SLX4IP: variants seen among roughly 807,000 people sequenced by gnomAD.
SLX4IP encodes SLX4 interacting protein.
SLX4IP carries 34 observed loss-of-function variants against 32.9 expected under a neutral mutation model. The ratio of observed to expected loss-of-function variants is 1.03; its 90% CI spans 0.79 to 1.38. SLX4IP has a LOEUF of 1.38. SLX4IP is among the 40% of genes most tolerant of loss of function. The pLI, the probability that SLX4IP is intolerant of heterozygous loss-of-function variation, is 0.00. For missense variants in SLX4IP, 444 were observed against 479.0 expected, an observed-to-expected ratio of 0.93 and a Z score of 0.68; for synonymous variants, 172 against 171.7, an observed-to-expected ratio of 1.00 and a Z score of -0.01.
chr20:10,510,804 C>T (rs141338433), intron 2 of SLX4IP, among the ~76,000 whole-genome samples: 386 of 152,190 alleles, frequency 2.5e-3, no homozygotes, highest in Non-Finnish European at 4.1e-3. Flanking sequence ...CAGGGTTTCA[C>T]CATGTTCGCC....
rs1202698164 is a variant in SLX4IP at position 10,624,122 on chromosome 20, G to T, written c.*743G>T. 6.6e-6 allele frequency: 1 copy of T among 152,188 alleles called. No individual in the cohort carries two copies. The highest frequency in any genetic ancestry group is 6.5e-5 in the Admixed American group (1 of 15,280). The allele number at this position is 152,188 out of a possible 1,614,324, so 9.4% of individuals were successfully genotyped here. A position where few individuals can be genotyped will look rare whatever the true frequency, so the allele number is the denominator to read the frequency against. On this transcript the variant is annotated 3_prime_UTR_variant, in exon 8 of 8. Transcript: ENST00000334534. ...TGGTGTATGGGTCACTCTCTTCCGG[G>T]TTCTACAGTATGGCAGCCATGGCAC...
At chr20:10,500,807 G>A (rs1419436653) in intron 2 of SLX4IP, among the ~76,000 whole-genome samples, 1 of 152,124 alleles carries the variant, frequency 6.6e-6, no homozygotes, top group East Asian at 1.9e-4. Context: ...GTCTACCATT[G>A]CATGCTTTGC....
intron 1 of SLX4IP, among the ~76,000 whole-genome samples, chr20:10,445,376 C>T (rs562826631): frequency 2.4e-4 from 33 of 138,264 alleles, no homozygotes; most frequent in Admixed American, 8.0e-4. Context: ...AGTGCAATGG[C>T]GCGATCTTGG....
intron 4 of SLX4IP, among the ~76,000 whole-genome samples, chr20:10,589,665 A>G (rs2066683807): frequency 6.6e-6 from 1 of 152,212 alleles, no homozygotes; most frequent in African/African-American, 2.4e-5. Context: ...GGATTTCTAA[A>G]TGGTATCATA....
chr20:10,529,321 G>GCTCA (rs1224618314), intron 2 of SLX4IP, among the ~76,000 whole-genome samples: 2 of 152,020 alleles, frequency 1.3e-5, no homozygotes, highest in Non-Finnish European at 2.9e-5. Flanking sequence ...AGGCGCGGTG[G>GCTCA]CTCACCCCTG....
intron 3 of SLX4IP, among the ~76,000 whole-genome samples, chr20:10,557,398 G>A (rs909646018): frequency 1.3e-5 from 2 of 152,192 alleles, no homozygotes; most frequent in African/African-American, 4.8e-5. Context: ...GAAGGCACAA[G>A]GTTCTGTATG....
chr20:10,564,259 G>A (rs971647947), intron 4 of SLX4IP, among the ~76,000 whole-genome samples: 1 of 152,154 alleles, frequency 6.6e-6, no homozygotes, highest in African/African-American at 2.4e-5. Flanking sequence ...GTTTTCAGCT[G>A]ATCCTATAGT....
intron 2 of SLX4IP, among the ~76,000 whole-genome samples, chr20:10,516,903 G>T (rs1294379144): frequency 6.6e-6 from 1 of 152,110 alleles, no homozygotes; most frequent in Admixed American, 6.5e-5. Flanking sequence ...TCCAAATATG[G>T]TATTGCTTCT....
At chr20:10,617,806 G>A (rs116292707) in intron 6 of SLX4IP, among the ~76,000 whole-genome samples, 1,925 of 151,792 alleles carry the variant, frequency 0.013, 42 homozygotes, top group African/African-American at 0.043. Context: ...ACACCACCAC[G>A]CCTGGCTAAT....
intron 2 of SLX4IP, among the ~76,000 whole-genome samples, chr20:10,539,910 C>CTCT (rs746933686): frequency 6.6e-6 from 1 of 152,168 alleles, no homozygotes; most frequent in Non-Finnish European, 1.5e-5. Context: ...TTGCAAACCA[C>CTCT]TCTTCTAGGC....
intron 6 of SLX4IP, chr20:10,613,276 A>T: frequency 1.5e-6 from 1 of 646,472 alleles, no homozygotes; most frequent in East Asian, 2.6e-5. Flanking sequence ...TACTAAGATC[A>T]GGTTGAGAGA....
intron 4 of SLX4IP, among the ~76,000 whole-genome samples, chr20:10,562,704 A>G (rs1355034420): frequency 6.6e-6 from 1 of 152,168 alleles, no homozygotes. Flanking sequence ...CCCCTCTCCC[A>G]TATCACCATG....
chr20:10,609,092 G>A (rs2066937589), intron 6 of SLX4IP, among the ~76,000 whole-genome samples: 1 of 111,402 alleles, frequency 9.0e-6, no homozygotes, highest in Non-Finnish European at 2.0e-5. Flanking sequence ...AGAGGAGGAG[G>A]AGAAGGAGCA....
intron 2 of SLX4IP, among the ~76,000 whole-genome samples, chr20:10,468,603 T>TACAG (rs1370448273): frequency 1.3e-5 from 2 of 152,216 alleles, no homozygotes; most frequent in African/African-American, 4.8e-5. Flanking sequence ...GGCTTTTCTG[T>TACAG]GGTTTTCCCT....
intron 1 of SLX4IP, among the ~76,000 whole-genome samples, chr20:10,444,639 G>A (rs1011874193): frequency 6.6e-6 from 1 of 152,168 alleles, no homozygotes; most frequent in Admixed American, 6.5e-5. Context: ...GCCTCCCAAA[G>A]TGCTGGGATT....
At chr20:10,447,625 G>A (rs2065212061) in intron 1 of SLX4IP, among the ~76,000 whole-genome samples, 2 of 151,896 alleles carry the variant, frequency 1.3e-5, no homozygotes, top group South Asian at 2.1e-4. Context: ...AAATTCCTTT[G>A]TATTCATAGA....
intron 4 of SLX4IP, among the ~76,000 whole-genome samples, chr20:10,561,545 CTT>C (rs749781715): frequency 1.2e-4 from 16 of 139,076 alleles, no homozygotes; most frequent in Admixed American, 2.8e-4. Context: ...TTTCTTTTTT[CTT>C]TTTTTTTTTT....
At position 10,622,641 on chromosome 20, in the gene SLX4IP, C is replaced by A; in HGVS notation, c.507-18C>A. 1.3e-6 allele frequency: 2 copies of A among 1,588,574 alleles called. No individual in the cohort carries two copies. The highest frequency in any genetic ancestry group is 1.1e-5 in the South Asian group (1 of 89,242). ...GTGACAGCTTTACAAACCATAAAAT[C>A]ATTTTTGTTTGTTTCAGTGTGAAAA... On this transcript the variant is annotated intron_variant, in intron 7 of 7. Transcript: ENST00000334534.
chr20:10,568,393 C>A (rs1425907541), intron 4 of SLX4IP, among the ~76,000 whole-genome samples: 1 of 152,136 alleles, frequency 6.6e-6, no homozygotes, highest in Non-Finnish European at 1.5e-5. Flanking sequence ...CTTCTGTGTT[C>A]GCTGTTCACT....
Sources: allele counts gnomAD v4.1 joint callset (sites outside exome capture counted in the v4.1 genomes callset), GRCh38; gene constraint gnomAD v4.1.1; transcripts MANE v1.5; gene names NCBI Gene and HGNC (gene_info 2026-07-23, HGNC 2026-07-21).